TSTD2: variants seen among roughly 807,000 people sequenced by gnomAD.
TSTD2 encodes the protein thiosulfate sulfurtransferase like domain containing 2.
In TSTD2, 37 loss-of-function variants were observed where a neutral mutation model predicts 47.9. The ratio of observed to expected loss-of-function variants is 0.77; its 90% CI spans 0.59 to 1.02. TSTD2 has a LOEUF of 1.02. Among genes scored for constraint, TSTD2 ranks in the 50% least tolerant of loss-of-function variants. The pLI, the probability that TSTD2 is intolerant of heterozygous loss-of-function variation, is 0.00. For missense variants in TSTD2, 586 were observed against 616.0 expected (o/e 0.95, Z 0.52); for synonymous variants, 201 against 215.9 (o/e 0.93, Z 0.61).
chr9:97,614,522 G>C (rs1244964614), intron 4 of TSTD2, among the ~76,000 whole-genome samples: 1 of 152,188 alleles, frequency 6.6e-6, no homozygotes, highest in African/African-American at 2.4e-5. Context: ...TATACTTTCA[G>C]ATAGTAATAA....
rs376097651 is a variant in TSTD2, at chr9:97,611,610, T to C, written c.693A>G (p.Pro231=). ...RLYVEVMLSF[P]LFKDDLCKDD... ...CTTTACACAGGTCATCCTTAAACAA[T>C]GGGAAGGAAAGCATGACTTCCACAT... is the stretch of plus-strand genomic sequence containing the variant. The change falls in exon 5 of 10, where the codon CCA becomes CCG. Residue 231 remains proline (P), a synonymous_variant. Coordinates refer to ENST00000341170, the MANE Select transcript of TSTD2 (RefSeq NM_139246.5). The C allele has an allele frequency of 3.4e-5, 55 of 1,609,284 alleles. No homozygotes were observed. In the Middle Eastern group the frequency reaches 9.9e-4, roughly 29 times the overall value.
At chr9:97,621,155 C>T (rs1405162100) in intron 3 of TSTD2, among the ~76,000 whole-genome samples, 3 of 152,170 alleles carry the variant, frequency 2.0e-5, no homozygotes, top group Non-Finnish European at 4.4e-5. Context: ...CAAATTAATA[C>T]TTTTATAATT....
At chr9:97,622,182 G>C (rs1826650247) in intron 3 of TSTD2, among the ~76,000 whole-genome samples, 1 of 152,260 alleles carries the variant, frequency 6.6e-6, no homozygotes. Flanking sequence ...GGGTCCCCCT[G>C]CTGTGGGCAG....
At chr9:97,606,921 A>G (rs1283198038) in intron 6 of TSTD2, among the ~76,000 whole-genome samples, 1 of 152,212 alleles carries the variant, frequency 6.6e-6, no homozygotes, top group Non-Finnish European at 1.5e-5. Context: ...AAAGGAGAGA[A>G]AAAGACAGGA....
intron 1 of TSTD2, among the ~76,000 whole-genome samples, chr9:97,628,667 AGCC>A (rs1826760091): frequency 6.6e-6 from 1 of 152,208 alleles, no homozygotes; most frequent in Non-Finnish European, 1.5e-5. Flanking sequence ...CATTTCCCTA[AGCC>A]TAGGCAGGCT....
intron 3 of TSTD2, among the ~76,000 whole-genome samples, chr9:97,620,948 A>G (rs1042056952): frequency 6.6e-6 from 1 of 152,232 alleles, no homozygotes; most frequent in Admixed American, 6.5e-5. Context: ...AGAAATTTGC[A>G]TGAGTAATGT....
At chr9:97,632,121 T>C (rs2131321238) in intron 1 of TSTD2, among the ~76,000 whole-genome samples, 1 of 152,272 alleles carries the variant, frequency 6.6e-6, no homozygotes. Context: ...ATAATATTCG[T>C]TGAATGAAAT....
intron 3 of TSTD2, among the ~76,000 whole-genome samples, chr9:97,623,547 G>A (rs751332633): frequency 2.0e-5 from 3 of 152,176 alleles, no homozygotes; most frequent in Non-Finnish European, 4.4e-5. Context: ...TAAAGAATAT[G>A]TAGAATGGTC....
chr9:97,611,647 G>C lies in TSTD2; in HGVS notation c.656C>G (p.Ala219Gly), dbSNP rs769609473. 1.2e-6 allele frequency: 2 copies of C among 1,611,088 alleles called. No individual in the cohort carries two copies. Among genetic ancestry groups the C allele is most frequent in the East Asian group, 2.2e-5 (1 of 44,762 alleles). ...INGTVGGSKLATRLYVEVMLS... is the reference protein window; with the variant it reads ...INGTVGGSKLGTRLYVEVMLS... Reference sequence around the variant, plus strand: ...CATGACTTCCACATAAAGTCTGGTAGCCAATTTGCTTCCACCAACTGTCCC... The same window carrying C: ...CATGACTTCCACATAAAGTCTGGTACCCAATTTGCTTCCACCAACTGTCCC... Residue 219 changes from alanine to glycine, a missense_variant, in exon 5 of 10, where the codon GCT becomes GGT. Coordinates refer to ENST00000341170, the MANE Select transcript of TSTD2 (RefSeq NM_139246.5).
chr9:97,622,027 T>C (rs1201152715), intron 3 of TSTD2, among the ~76,000 whole-genome samples: 3 of 152,002 alleles, frequency 2.0e-5, no homozygotes, highest in Non-Finnish European at 4.4e-5. Flanking sequence ...AAAATTTCTC[T>C]GTTTTGTACT....
In TSTD2 at chr9:97,625,744, T is replaced by A. The variant is rs756770704; in HGVS notation, c.419A>T (p.His140Leu). 272 of 1,614,036 alleles carry A rather than the reference T, an allele frequency of 1.7e-4. 2 individuals are homozygous for A. In the East Asian group the frequency reaches 5.9e-3, roughly 35 times the overall value. The change falls in exon 3 of 10, where the codon CAT becomes CTT. Residue 140 changes from histidine (H) to leucine (L), a missense_variant. By Grantham distance (99) the His-to-Leu change is moderately conservative. Coordinates refer to ENST00000341170, the MANE Select transcript of TSTD2 (RefSeq NM_139246.5). The stretch of plus-strand genomic sequence containing the variant: ...GAGCCAAGCAGACACGTCATGGCTA[T>A]GTGGAAGGCACTCTTTTAAAGGGTT... ...EKNPLKECLP[H>L]SHDVSAWLPD...
At position 97,611,646 on chromosome 9, in the gene TSTD2, A is replaced by G; in HGVS notation, c.657T>C (p.Ala219=). The change falls in exon 5 of 10, where the codon GCT becomes GCC. Residue 219 remains alanine (A), a synonymous_variant. Coordinates refer to ENST00000341170, the MANE Select transcript of TSTD2 (RefSeq NM_139246.5). ...INGTVGGSKL[A]TRLYVEVMLS... ...GCATGACTTCCACATAAAGTCTGGT[A>G]GCCAATTTGCTTCCACCAACTGTCC... 6.2e-7 allele frequency: 1 copy of G among 1,611,254 alleles called. No individual in the cohort carries two copies. The highest frequency in any genetic ancestry group is 8.5e-7 in the Non-Finnish European group (1 of 1,177,488).
intron 4 of TSTD2, among the ~76,000 whole-genome samples, chr9:97,617,076 TTA>T (rs2131312253): frequency 6.6e-6 from 1 of 152,354 alleles, no homozygotes; most frequent in South Asian, 2.1e-4. Flanking sequence ...TAAATGAAGA[TTA>T]TACTTTCAGA....
chr9:97,611,482 G>A, intron 5 of TSTD2, 92 bp downstream of exon 5: 2 of 1,408,406 alleles, frequency 1.4e-6, no homozygotes, highest in Non-Finnish European at 9.5e-7. Context: ...ATTTGGCACT[G>A]CTTATTTCTC....
intron 3 of TSTD2, among the ~76,000 whole-genome samples, chr9:97,621,142 C>T (rs922931489): frequency 2.0e-5 from 3 of 152,164 alleles, no homozygotes; most frequent in African/African-American, 7.2e-5. Context: ...TTTATTAGTT[C>T]CCCAAATTAA....
intron 4 of TSTD2, among the ~76,000 whole-genome samples, chr9:97,617,492 AAT>A (rs1410456611): frequency 6.6e-6 from 1 of 152,216 alleles, no homozygotes; most frequent in Non-Finnish European, 1.5e-5. Flanking sequence ...AACAAAACTG[AAT>A]AGTTTTTTGT....
intron 1 of TSTD2, among the ~76,000 whole-genome samples, chr9:97,632,142 T>G (rs952195935): frequency 1.3e-5 from 2 of 152,180 alleles, no homozygotes; most frequent in African/African-American, 4.8e-5. Flanking sequence ...AAAACAGTGA[T>G]TGGGTAACCA....
intron 3 of TSTD2, among the ~76,000 whole-genome samples, chr9:97,625,350 C>T (rs1826701816): frequency 6.6e-6 from 1 of 152,090 alleles, no homozygotes; most frequent in African/African-American, 2.4e-5. Flanking sequence ...CAGTTGTTTC[C>T]AGTTTTTTGT....
intron 1 of TSTD2, among the ~76,000 whole-genome samples, chr9:97,632,692 G>A (rs1305482847): frequency 6.6e-6 from 1 of 152,190 alleles, no homozygotes; most frequent in Non-Finnish European, 1.5e-5. Flanking sequence ...GGCCGTCATA[G>A]GAGACTTTTA....
Sources: allele counts gnomAD v4.1 joint callset (sites outside exome capture counted in the v4.1 genomes callset), GRCh38; gene constraint gnomAD v4.1.1; transcripts MANE v1.5; gene names NCBI Gene and HGNC (gene_info 2026-07-23, HGNC 2026-07-21).